The following NPTN variants were observed in gnomAD, a reference collection of about 807,000 sequenced individuals.
The protein encoded by NPTN is neuroplastin, also known as SDR-1.
A neutral mutation model predicts 42.7 loss-of-function variants in NPTN; 5 were observed. That is an observed-to-expected ratio of 0.12 (90% confidence interval 0.06 to 0.25). NPTN has a LOEUF of 0.25. Ranked by LOEUF, NPTN falls within the 10% of genes least tolerant of loss-of-function variation. The pLI is 1.00. For missense variants in NPTN, 307 were observed against 525.4 expected (o/e 0.58, Z 4.06); for synonymous variants, 180 against 201.9 (o/e 0.89, Z 0.92).
rs775924992 is a variant in NPTN, at chr15:73,565,167, C to T, written c.1115-1910G>A. Among the ~76,000 whole-genome samples the T allele has an allele frequency of 7.2e-5, 11 of 152,314 alleles. No individual in the cohort carries two copies. The South Asian group carries it at 1.4e-3, about 20-fold the overall frequency. Reference sequence around the variant, plus strand: ...TGCAAGTGGGAGCAGTTGAGATTCACAAGGGGGCAAAATCCCAGGAGCCCT... The same window carrying T: ...TGCAAGTGGGAGCAGTTGAGATTCATAAGGGGGCAAAATCCCAGGAGCCCT... On this transcript the variant is annotated intron_variant, in intron 6 of 8. Transcript: ENST00000345330.
At chr15:73,563,329 A>G (rs377451955) in intron 6 of NPTN, 72 bp from the exon 7 acceptor site, 18 of 1,595,324 alleles carry the variant, frequency 1.1e-5, no homozygotes, top group African/African-American at 4.0e-5. Context: ...TAGATTCTGC[A>G]TAAGGATTAA....
At chr15:73,607,956 C>T (rs762675251) in intron 1 of NPTN, among the ~76,000 whole-genome samples, 2 of 152,106 alleles carry the variant, frequency 1.3e-5, no homozygotes, top group Non-Finnish European at 2.9e-5. Context: ...AAATTTTGAG[C>T]TTGTTTAAAT....
rs1169021876 is a variant in NPTN at position 73,597,649 on chromosome 15, A to C, written c.92-280T>G. Among the ~76,000 whole-genome samples, 1 of 152,234 alleles carries C rather than the reference A, an allele frequency of 6.6e-6. No homozygotes were observed. Among genetic ancestry groups the C allele is most frequent in the African/African-American group, 2.4e-5 (1 of 41,466 alleles). On this transcript the variant is annotated intron_variant, in intron 1 of 8. Transcript: ENST00000345330. The surrounding 1 kb of genome is among the most constrained non-coding windows in gnomAD (Gnocchi z 6.3). Reference sequence around the variant, plus strand: ...CCAGGCAGAAGCAAGCCCACTGGAAAGCATTTTAGCAATGGGCCCAGCTGG... The same window carrying C: ...CCAGGCAGAAGCAAGCCCACTGGAACGCATTTTAGCAATGGGCCCAGCTGG...
chr15:73,624,467 A>C (rs1206108400), intron 1 of NPTN, among the ~76,000 whole-genome samples: 1 of 152,186 alleles, frequency 6.6e-6, no homozygotes, highest in African/African-American at 2.4e-5. Context: ...CAAACCTGCT[A>C]AACTCGTATA....
At chr15:73,622,572 A>G (rs554282183) in intron 1 of NPTN, among the ~76,000 whole-genome samples, 1 of 152,182 alleles carries the variant, frequency 6.6e-6, no homozygotes, top group Admixed American at 6.5e-5. Flanking sequence ...TCAGAGAATA[A>G]ATGAAAAAAA....
At chr15:73,592,772 C>G (rs1347211893) in intron 2 of NPTN, among the ~76,000 whole-genome samples, 2 of 152,184 alleles carry the variant, frequency 1.3e-5, no homozygotes, top group African/African-American at 2.4e-5. Context: ...CCAGCCATAC[C>G]TATTCCCAAA....
At chr15:73,589,737 T>C (rs1399142043) in intron 3 of NPTN, among the ~76,000 whole-genome samples, 1 of 152,024 alleles carries the variant, frequency 6.6e-6, no homozygotes. Context: ...TAAGAGACTA[T>C]GGACGAGGAG....
At chr15:73,603,385 T>C (rs186219015) in intron 1 of NPTN, among the ~76,000 whole-genome samples, 1 of 152,316 alleles carries the variant, frequency 6.6e-6, no homozygotes, top group African/African-American at 2.4e-5. Flanking sequence ...TCCAAGTTCT[T>C]CAAGAAACAA....
At position 73,570,310 on chromosome 15, in the gene NPTN, G is replaced by A; in HGVS notation, c.954C>T (p.Ala318=). 2 of 1,614,208 alleles carry A rather than the reference G, an allele frequency of 1.2e-6. No individual in the cohort carries two copies. The highest frequency in any genetic ancestry group is 1.7e-6 in the Non-Finnish European group (2 of 1,180,036). Reference sequence around the variant, plus strand: ...CAGAGGCGGAGCCAATGGCGTTGGTGGCATTACATTCATACTCGCCAGGGT... The same window carrying A: ...CAGAGGCGGAGCCAATGGCGTTGGTAGCATTACATTCATACTCGCCAGGGT... ...TEDPGEYECN[A]TNAIGSASVV... Residue 318 remains alanine (A), a synonymous_variant, in exon 6 of 9, where the codon GCC becomes GCT. Transcript: ENST00000345330. This position sits in a 1 kb window ranked among gnomAD's most constrained non-coding sequence, Gnocchi z 4.0.
chr15:73,565,316 G>A (rs1894922652), intron 6 of NPTN, among the ~76,000 whole-genome samples: 1 of 152,114 alleles, frequency 6.6e-6, no homozygotes, highest in South Asian at 2.1e-4. Flanking sequence ...ACAAAAAAAC[G>A]ACTTGACCCC....
At chr15:73,623,979 T>C (rs569130975) in intron 1 of NPTN, among the ~76,000 whole-genome samples, 26 of 152,326 alleles carry the variant, frequency 1.7e-4, no homozygotes, top group African/African-American at 6.0e-4. Flanking sequence ...ATACAGCCCA[T>C]CCATCTTTGG....
At position 73,633,321 on chromosome 15, in the gene NPTN, G is replaced by C. The variant is rs1007906926; in HGVS notation, c.-106C>G. On this transcript the variant is annotated 5_prime_UTR_variant, in exon 1 of 9. Transcript: ENST00000345330. ...CGGGCGAGTGCGCGAGGGAGTGAGC[G>C]AGGGAGGCAGCCGCGGCTCGGCTCC... is the stretch of plus-strand genomic sequence containing the variant. 1.1e-5 allele frequency: 9 copies of C among 831,868 alleles called. No individual in the cohort carries two copies. Among genetic ancestry groups the C allele is most frequent in the Non-Finnish European group, 1.6e-5 (9 of 573,930 alleles). The allele number at this position is 831,868 out of a possible 1,614,324, so 51.5% of individuals were successfully genotyped here. A position where few individuals can be genotyped will look rare whatever the true frequency, so the allele number is the denominator to read the frequency against.
In NPTN at chr15:73,592,035, T is replaced by C. The variant is rs200720047; in HGVS notation, c.542A>G (p.Tyr181Cys). The change falls in exon 3 of 9, where the codon TAC (tyrosine) becomes TGC (cysteine). Residue 181 changes from tyrosine to cysteine, a missense_variant. Tyr to Cys is a radical substitution (Grantham distance 194). This residue lies in a region of NPTN where 264 missense variants were observed against 491.1 expected (regional missense o/e 0.54). Transcript: ENST00000345330. ...CACCCCATTCTTTGTCCAGTAGCTG[T>C]ATGTAAGGGTGTGAGAGCTGGAGGT... ...NLTSSSHTLT[Y>C]SYWTKNGVEL... The C allele has an allele frequency of 5.0e-6, 8 of 1,613,948 alleles. No individual in the cohort carries two copies. The highest frequency in any genetic ancestry group is 1.6e-4 in the Middle Eastern group (1 of 6,084).
intron 1 of NPTN, among the ~76,000 whole-genome samples, chr15:73,631,105 T>C (rs1358538486): frequency 6.6e-6 from 1 of 152,212 alleles, no homozygotes; most frequent in Non-Finnish European, 1.5e-5. Context: ...TCCAGAAACC[T>C]TGCTTTAGTT....
At chr15:73,582,639 A>G (rs1039272307) in intron 4 of NPTN, among the ~76,000 whole-genome samples, 1 of 152,206 alleles carries the variant, frequency 6.6e-6, no homozygotes, top group Non-Finnish European at 1.5e-5. Context: ...GCCACAGTTC[A>G]TATGAATTAA....
intron 7 of NPTN, among the ~76,000 whole-genome samples, chr15:73,562,276 A>G (rs1175837305): frequency 2.0e-5 from 3 of 152,198 alleles, no homozygotes; most frequent in African/African-American, 4.8e-5. Flanking sequence ...TGCTCCAATG[A>G]GCATTTCCTT....
intron 1 of NPTN, among the ~76,000 whole-genome samples, chr15:73,623,080 T>C (rs1898214931): frequency 6.6e-6 from 1 of 152,208 alleles, no homozygotes; most frequent in South Asian, 2.1e-4. Flanking sequence ...AGCATACATT[T>C]ACCATATAAA....
rs575045999 is a variant in NPTN, at chr15:73,591,867, C to T, written c.611+99G>A. 6 of 1,176,096 alleles carry T rather than the reference C, an allele frequency of 5.1e-6. No homozygotes were observed. In the African/African-American group the frequency reaches 7.6e-5, roughly 15 times the overall value. The allele number at this position is 1,176,096 out of a possible 1,614,324, so 72.9% of individuals were successfully genotyped here. A position where few individuals can be genotyped will look rare whatever the true frequency, so the allele number is the denominator to read the frequency against. On this transcript the variant is annotated intron_variant, in intron 3 of 8. Transcript: ENST00000345330. ...CTCTCAAAGGGAGAACCAAATATAT[C>T]TCATGTCCCTTCTGCATGGCGCAAC...
At chr15:73,568,859 G>A (rs1895199766) in intron 6 of NPTN, 7 of 985,552 alleles carry the variant, frequency 7.1e-6, no homozygotes, top group Non-Finnish European at 8.4e-6. Context: ...CAGGCAGAGA[G>A]ATTTATAACT....
Sources: allele counts gnomAD v4.1 joint callset (sites outside exome capture counted in the v4.1 genomes callset), GRCh38; gene constraint gnomAD v4.1.1; regional missense constraint gnomAD v4.1.1; non-coding constraint Gnocchi (gnomAD v3.1); transcripts MANE v1.5; gene names NCBI Gene and HGNC (gene_info 2026-07-23, HGNC 2026-07-21).